DYNC1I1: variants seen among roughly 807,000 people sequenced by gnomAD.
The protein encoded by DYNC1I1 is cytoplasmic dynein 1 intermediate chain 1.
Under a neutral mutation model 86.6 loss-of-function variants are expected in DYNC1I1, and 43 were observed. That is an observed-to-expected ratio of 0.50 (90% CI 0.39 to 0.64). The LOEUF (loss-of-function observed/expected upper bound fraction) is 0.64, where lower values mean the gene tolerates loss of function less well. Among genes scored for constraint, DYNC1I1 ranks in the 30% least tolerant of loss-of-function variants. The pLI is 0.00. For synonymous variants in DYNC1I1, 262 were observed against 283.7 expected (o/e 0.92, Z 0.77); for missense variants, 604 against 788.8 (o/e 0.77, Z 2.81).
In DYNC1I1 at chr7:95,940,404, G is replaced by A. The variant is rs1166202818; in HGVS notation, c.491-37108G>A. On this transcript the variant is annotated intron_variant, in intron 6 of 16. Transcript: ENST00000447467. ...ATCCTGCAGAGTGTTTTCCAACTTG[G>A]TTCCATTCTCCCCGTCACTTTCAGG... 2.0e-3 allele frequency among the ~76,000 whole-genome samples: 311 copies of A among 152,236 alleles called. 1 individual carries two copies. Among genetic ancestry groups the A allele is most frequent in the Non-Finnish European group, 3.8e-3 (258 of 68,016 alleles).
At chr7:95,854,265 TG>T (rs1433794185) in intron 5 of DYNC1I1, among the ~76,000 whole-genome samples, 1 of 152,190 alleles carries the variant, frequency 6.6e-6, no homozygotes, top group Non-Finnish European at 1.5e-5. Context: ...TTTTCTCTGG[TG>T]GTATGTTTTT....
chr7:95,912,062 A>G (rs2116345103), intron 6 of DYNC1I1, among the ~76,000 whole-genome samples: 1 of 152,060 alleles, frequency 6.6e-6, no homozygotes, highest in Non-Finnish European at 1.5e-5. Flanking sequence ...TTTGAGAAAG[A>G]ATCTTGCTCT....
chr7:95,912,682 G>A (rs1306468548), intron 6 of DYNC1I1, among the ~76,000 whole-genome samples: 1 of 152,204 alleles, frequency 6.6e-6, no homozygotes, highest in African/African-American at 2.4e-5. Flanking sequence ...CAACATGCCA[G>A]GCAGCTTTGG....
chr7:95,859,003 A>T lies in DYNC1I1; in HGVS notation c.375-10880A>T, dbSNP rs1789803650. On this transcript the variant is annotated intron_variant, in intron 5 of 16. Transcript: ENST00000447467. ...GATATTAATGTATTTATTATATATT[A>T]TATTAATATATTTATTATATTTCCC... 2.0e-5 allele frequency among the ~76,000 whole-genome samples: 3 copies of T among 147,094 alleles called. No individual in the cohort carries two copies. In the Admixed American group the frequency reaches 2.1e-4, roughly 10 times the overall value.
intron 10 of DYNC1I1, among the ~76,000 whole-genome samples, chr7:95,996,425 A>G (rs1345187786): frequency 2.0e-5 from 3 of 152,192 alleles, no homozygotes; most frequent in Non-Finnish European, 4.4e-5. Flanking sequence ...TCAGAGCACT[A>G]CCATTTCAAG....
intron 6 of DYNC1I1, among the ~76,000 whole-genome samples, chr7:95,880,191 A>T (rs1251793881): frequency 6.6e-6 from 1 of 152,176 alleles, no homozygotes; most frequent in Admixed American, 6.5e-5. Flanking sequence ...ACACCTTGGT[A>T]CATTGCCTGG....
chr7:96,005,767 A>G (rs747609473), intron 10 of DYNC1I1, among the ~76,000 whole-genome samples: 1 of 152,218 alleles, frequency 6.6e-6, no homozygotes, highest in Non-Finnish European at 1.5e-5. Flanking sequence ...AAAGCCTTTC[A>G]GAAAATCCAC....
At chr7:95,998,923 A>G (rs1189833338) in intron 10 of DYNC1I1, among the ~76,000 whole-genome samples, 4 of 152,230 alleles carry the variant, frequency 2.6e-5, no homozygotes, top group African/African-American at 4.8e-5. Context: ...ATTTTAGTAT[A>G]TAGTTTCATT....
chr7:95,791,286 G>T (rs554573097), intron 1 of DYNC1I1, among the ~76,000 whole-genome samples: 11 of 152,278 alleles, frequency 7.2e-5, no homozygotes, highest in African/African-American at 2.4e-4. Flanking sequence ...ATCCTCTATC[G>T]AGAGAGAGTG....
At chr7:95,931,353 T>C (rs1247742734) in intron 6 of DYNC1I1, among the ~76,000 whole-genome samples, 1 of 152,198 alleles carries the variant, frequency 6.6e-6, no homozygotes, top group Non-Finnish European at 1.5e-5. Context: ...TTTCGCCATG[T>C]TGGCCAGGCT....
chr7:95,792,364 G>A (rs1453139781), intron 1 of DYNC1I1, among the ~76,000 whole-genome samples: 1 of 152,170 alleles, frequency 6.6e-6, no homozygotes, highest in Admixed American at 6.5e-5. Context: ...GCATGTGCAG[G>A]AAGGTCTCTC....
intron 9 of DYNC1I1, among the ~76,000 whole-genome samples, chr7:95,995,522 G>C (rs959401960): frequency 1.3e-5 from 2 of 152,134 alleles, no homozygotes; most frequent in Non-Finnish European, 2.9e-5. Context: ...AGCATGTTAA[G>C]CTTATTAAAG....
intron 6 of DYNC1I1, among the ~76,000 whole-genome samples, chr7:95,961,897 C>T (rs1261782838): frequency 6.6e-6 from 1 of 152,148 alleles, no homozygotes; most frequent in African/African-American, 2.4e-5. Context: ...CCTTTCCTTC[C>T]CTTGCTCCCT....
intron 6 of DYNC1I1, among the ~76,000 whole-genome samples, chr7:95,943,869 T>C (rs553701271): frequency 6.6e-6 from 1 of 151,534 alleles, no homozygotes; most frequent in South Asian, 2.1e-4. Context: ...ATACAAAAAT[T>C]AATTCAAGAT....
intron 10 of DYNC1I1, among the ~76,000 whole-genome samples, chr7:96,008,724 T>C (rs1487775755): frequency 6.6e-6 from 1 of 152,200 alleles, no homozygotes; most frequent in Admixed American, 6.5e-5. Flanking sequence ...TGATTTCTCA[T>C]CAACAGAAAA....
intron 16 of DYNC1I1, among the ~76,000 whole-genome samples, chr7:96,105,293 T>C (rs1791199160): frequency 6.6e-6 from 1 of 151,998 alleles, no homozygotes; most frequent in Non-Finnish European, 1.5e-5. Context: ...TTTCCAATCT[T>C]ATCTTTTTTC....
intron 6 of DYNC1I1, among the ~76,000 whole-genome samples, chr7:95,878,097 G>A (rs960135928): frequency 2.0e-5 from 3 of 152,058 alleles, no homozygotes; most frequent in Non-Finnish European, 2.9e-5. Context: ...CTGGGGGTTG[G>A]GGGGACTGGT....
intron 10 of DYNC1I1, among the ~76,000 whole-genome samples, chr7:96,018,178 A>G (rs1794447170): frequency 6.6e-6 from 1 of 152,198 alleles, no homozygotes; most frequent in South Asian, 2.1e-4. Flanking sequence ...CTGGGTATGC[A>G]TGAGGCTTAG....
intron 4 of DYNC1I1, among the ~76,000 whole-genome samples, chr7:95,826,200 A>C (rs1241404183): frequency 1.3e-5 from 2 of 152,094 alleles, no homozygotes; most frequent in African/African-American, 4.8e-5. Flanking sequence ...TCTAAGAAAC[A>C]CTCGCCAGTT....
Sources: gnomAD v4.1 joint callset for allele counts (sites outside exome capture counted in the v4.1 genomes callset) on GRCh38, gnomAD v4.1.1 for gene constraint, MANE v1.5 for transcripts, NCBI Gene and HGNC (gene_info 2026-07-23, HGNC 2026-07-21) for gene names.